Variants in LPP observed in about 807,000 individuals in gnomAD.
LPP encodes the protein LIM domain containing preferred translocation partner in lipoma, also known as lipoma-preferred partner.
A neutral mutation model predicts 60.4 loss-of-function variants in LPP; 38 were observed. The ratio of observed to expected loss-of-function variants is 0.63; its 90% confidence interval spans 0.49 to 0.83. LPP has a LOEUF of 0.83. Ranked by LOEUF, LPP falls within the 40% of genes least tolerant of loss-of-function variation. The pLI is 0.00. For synonymous variants in LPP, 328 were observed against 290.8 expected (o/e 1.13, Z -1.30); for missense variants, 902 against 783.6 (o/e 1.15, Z -1.80).
chr3:188,191,902 C>T (rs963755744), intron 1 of LPP, among the ~76,000 whole-genome samples: 1 of 152,122 alleles, frequency 6.6e-6, no homozygotes, highest in Non-Finnish European at 1.5e-5. Context: ...ATGTATAACA[C>T]TGTATTGAAA....
intron 5 of LPP, among the ~76,000 whole-genome samples, chr3:188,519,557 G>A (rs543169486): frequency 1.3e-5 from 2 of 152,246 alleles, no homozygotes; most frequent in South Asian, 4.2e-4. Flanking sequence ...GTGAGTATGG[G>A]TGATATTAGA....
intron 7 of LPP, among the ~76,000 whole-genome samples, chr3:188,657,265 T>TATATATATATATATATATA (rs1290306104): frequency 2.1e-5 from 3 of 140,736 alleles, no homozygotes; most frequent in East Asian, 2.1e-4. Flanking sequence ...GGTGTATATA[T>TATATATATATATATATATA]ATATATATAT....
chr3:188,629,521 A>G (rs1379274542), intron 7 of LPP, among the ~76,000 whole-genome samples: 1 of 152,142 alleles, frequency 6.6e-6, no homozygotes, highest in African/African-American at 2.4e-5. Context: ...CAGGGAGGTG[A>G]AAGATCTCTA....
chr3:188,241,550 A>T (rs2149470805), intron 2 of LPP, among the ~76,000 whole-genome samples: 1 of 152,228 alleles, frequency 6.6e-6, no homozygotes, highest in Non-Finnish European at 1.5e-5. Context: ...TCCTGCTTGT[A>T]TCTGTAACTG....
chr3:188,575,882 C>A (rs1048210422), intron 6 of LPP, among the ~76,000 whole-genome samples: 7 of 151,972 alleles, frequency 4.6e-5, no homozygotes, highest in African/African-American at 9.7e-5. Flanking sequence ...CAAGAAAATG[C>A]CTCTATGTGA....
At chr3:188,405,989 C>T (rs1045432117) in intron 3 of LPP, 123 bp from the exon 4 acceptor site, 1 of 744,646 alleles carries the variant, frequency 1.3e-6, no homozygotes. Context: ...TTCTTTCACC[C>T]TTCTTTCCAG....
At chr3:188,480,091 C>G (rs1049601477) in intron 4 of LPP, among the ~76,000 whole-genome samples, 3 of 152,194 alleles carry the variant, frequency 2.0e-5, no homozygotes, top group Non-Finnish European at 1.5e-5. Flanking sequence ...ATCCCTGCTT[C>G]TCAAGGCCGC....
At chr3:188,567,684 T>G (rs1832523738) in intron 6 of LPP, among the ~76,000 whole-genome samples, 1 of 151,952 alleles carries the variant, frequency 6.6e-6, no homozygotes, top group Non-Finnish European at 1.5e-5. Context: ...GCAGATATAC[T>G]TATAGTTCCT....
intron 1 of LPP, among the ~76,000 whole-genome samples, chr3:188,191,208 C>G (rs974949154): frequency 6.6e-6 from 1 of 152,138 alleles, no homozygotes; most frequent in African/African-American, 2.4e-5. Context: ...CTAGCCTGGG[C>G]GACAGAGCAA....
At chr3:188,621,817 G>A (rs1387913199) in intron 7 of LPP, among the ~76,000 whole-genome samples, 1 of 151,990 alleles carries the variant, frequency 6.6e-6, no homozygotes, top group Non-Finnish European at 1.5e-5. Context: ...GCACCACCAC[G>A]CCCAGCTACT....
rs1408102993 is a variant in LPP at position 188,888,208 on chromosome 3, A to C, written c.*13729A>C. 4.6e-6 allele frequency: 1 copy of C among 219,588 alleles called. No individual in the cohort carries two copies. The highest frequency in any genetic ancestry group is 9.1e-6 in the Non-Finnish European group (1 of 109,328). 13.6% of individuals were successfully genotyped at this position (219,588 alleles called of 1,614,324 possible). On this transcript the variant is annotated 3_prime_UTR_variant, in exon 12 of 12. Coordinates refer to ENST00000617246, the MANE Select transcript of LPP (RefSeq NM_001375462.1). Reference sequence around the variant, plus strand: ...ACAGATTTAGGGCTTCTCTTTCTCTACAGCTAAGTAAGGGAATATGTGCAA... The same window carrying C: ...ACAGATTTAGGGCTTCTCTTTCTCTCCAGCTAAGTAAGGGAATATGTGCAA...
chr3:188,433,535 T>G (rs923748102), intron 4 of LPP, among the ~76,000 whole-genome samples: 2 of 149,450 alleles, frequency 1.3e-5, no homozygotes, highest in Non-Finnish European at 3.0e-5. Flanking sequence ...AAGAAAAAAA[T>G]ATTCTGATAG....
intron 9 of LPP, among the ~76,000 whole-genome samples, chr3:188,837,174 G>T (rs925075643): frequency 4.6e-5 from 7 of 151,988 alleles, no homozygotes; most frequent in African/African-American, 1.7e-4. Context: ...AAGGTCAGGA[G>T]TTCGAGACCA....
chr3:188,169,697 C>T (rs932040178), intron 1 of LPP, among the ~76,000 whole-genome samples: 11 of 152,224 alleles, frequency 7.2e-5, no homozygotes, highest in African/African-American at 2.4e-4. Flanking sequence ...ACCCCTGCAC[C>T]CCACTACTAC....
chr3:188,714,243 G>A (rs1712858325), intron 8 of LPP, among the ~76,000 whole-genome samples: 2 of 152,124 alleles, frequency 1.3e-5, no homozygotes, highest in Non-Finnish European at 2.9e-5. Flanking sequence ...GTAACTGGCT[G>A]TTTCTCTCCC....
chr3:188,734,906 C>A (rs1721958949), intron 8 of LPP, among the ~76,000 whole-genome samples: 1 of 152,188 alleles, frequency 6.6e-6, no homozygotes, highest in Non-Finnish European at 1.5e-5. Context: ...ATTGGAGACA[C>A]TCGGTGTCAC....
intron 2 of LPP, among the ~76,000 whole-genome samples, chr3:188,312,648 T>A (rs1203157076): frequency 6.6e-6 from 1 of 152,196 alleles, no homozygotes; most frequent in African/African-American, 2.4e-5. Flanking sequence ...AGGTTAGGAT[T>A]TATTTTGATA....
intron 9 of LPP, among the ~76,000 whole-genome samples, chr3:188,844,055 T>C (rs757808367): frequency 4.6e-5 from 7 of 152,212 alleles, no homozygotes; most frequent in Non-Finnish European, 8.8e-5. Flanking sequence ...CTTAGAATAC[T>C]GTTAATTTGC....
rs1474416571 is a variant in LPP at position 188,167,583 on chromosome 3, G to A, written c.-190+13331G>A. 1.1e-4 allele frequency among the ~76,000 whole-genome samples: 13 copies of A among 116,838 alleles called. No homozygotes were observed. The East Asian group carries it at 3.9e-3, about 35-fold the overall frequency. 76.7% of individuals were successfully genotyped at this position (116,838 alleles called of 152,430 possible). A position where few individuals can be genotyped will look rare whatever the true frequency, so the allele number is the denominator to read the frequency against. On this transcript the variant is annotated intron_variant, in intron 1 of 11. Transcript: ENST00000617246. ...CCACTGAAAAATGTTATCTTTGTGT[G>A]TGTGTTGTTTTTTTTTTTTTTTAGG...
Sources: allele counts gnomAD v4.1 joint callset (sites outside exome capture counted in the v4.1 genomes callset), GRCh38; gene constraint gnomAD v4.1.1; transcripts MANE v1.5; gene names NCBI Gene and HGNC (gene_info 2026-07-23, HGNC 2026-07-21).